Variants in GABBR2 observed in about 807,000 individuals in gnomAD.
The protein encoded by GABBR2 is G-protein coupled receptor 51.
Under a neutral mutation model 105.6 loss-of-function variants are expected in GABBR2, and 23 were observed. That is an observed-to-expected ratio of 0.22 (90% confidence interval 0.16 to 0.31). GABBR2 has a LOEUF of 0.31. GABBR2 is among the 10% of genes least tolerant of loss of function. The probability of loss-of-function intolerance (pLI) is 1.00; values close to 1 mark genes in which losing one functional copy is unlikely to be tolerated. For synonymous variants in GABBR2, 478 were observed against 499.7 expected, an observed-to-expected ratio of 0.96 and a Z score of 0.58; for missense variants, 734 against 1,245.5, an observed-to-expected ratio of 0.59 and a Z score of 6.18.
intron 8 of GABBR2, among the ~76,000 whole-genome samples, chr9:98,397,291 A>T (rs376193800): frequency 2.0e-5 from 3 of 152,202 alleles, no homozygotes; most frequent in African/African-American, 7.2e-5. Context: ...GACATCCTGG[A>T]TGCTGGAGAG....
At chr9:98,677,678 T>C (rs867260) in intron 1 of GABBR2, among the ~76,000 whole-genome samples, 5,493 of 152,236 alleles carry the variant, frequency 0.036, 179 homozygotes, top group East Asian at 0.14. Context: ...CCCTTCTCTG[T>C]CTCACACTTG....
At chr9:98,381,159 C>T (rs908906719) in intron 11 of GABBR2, among the ~76,000 whole-genome samples, 24 of 152,344 alleles carry the variant, frequency 1.6e-4, no homozygotes, top group South Asian at 4.1e-4. Context: ...GAGTTCCAGG[C>T]GGCTTGTCTG....
chr9:98,636,008 T>C (rs957885051), intron 1 of GABBR2, among the ~76,000 whole-genome samples: 1 of 152,170 alleles, frequency 6.6e-6, no homozygotes, highest in African/African-American at 2.4e-5. Context: ...CCTGGACTTC[T>C]GCATCACCAT....
chr9:98,326,868 T>C (rs1830933428), intron 13 of GABBR2, among the ~76,000 whole-genome samples: 1 of 152,260 alleles, frequency 6.6e-6, no homozygotes, highest in East Asian at 1.9e-4. Flanking sequence ...AGAAAAGTAT[T>C]ATTTCCTCTT....
intron 17 of GABBR2, among the ~76,000 whole-genome samples, chr9:98,297,448 T>C (rs2131341390): frequency 6.6e-6 from 1 of 151,064 alleles, no homozygotes; most frequent in South Asian, 2.1e-4. Flanking sequence ...CCGTCTCTAC[T>C]AAAAGTACAC....
At chr9:98,614,592 T>C (rs1240539952) in intron 1 of GABBR2, among the ~76,000 whole-genome samples, 1 of 152,144 alleles carries the variant, frequency 6.6e-6, no homozygotes, top group African/African-American at 2.4e-5. Flanking sequence ...AAATGGGTTA[T>C]AGAATGTTAT....
At chr9:98,576,904 TTGGA>T (rs71369567) in intron 2 of GABBR2, among the ~76,000 whole-genome samples, 23,476 of 99,360 alleles carry the variant, frequency 0.24, 3,185 homozygotes, top group African/African-American at 0.43. Flanking sequence ...AAAATATTTG[TTGGA>T]TGGATGGATG....
At chr9:98,656,437 GA>G (rs5899348) in intron 1 of GABBR2, among the ~76,000 whole-genome samples, 106,170 of 150,594 alleles carry the variant, frequency 0.71, 38,170 homozygotes, top group Middle Eastern at 0.84. Flanking sequence ...TTATAAAAAG[GA>G]AAAAAAAAAC....
rs1830248875 is a variant in GABBR2 at position 98,289,241 on chromosome 9, CAG to C, written c.*1341_*1342del. ...CTGGACAAGATCAAGTTTCAATCCTCAGAGTGACCTTGTGAGGTAGGCAGGAC... is the reference window on the plus strand; with the variant it reads ...CTGGACAAGATCAAGTTTCAATCCTCAGTGACCTTGTGAGGTAGGCAGGAC... On this transcript the variant is annotated 3_prime_UTR_variant, in exon 19 of 19. Transcript: ENST00000259455. 1 of 152,420 alleles carries C rather than the reference CAG, an allele frequency of 6.6e-6. No individual in the cohort carries two copies. Among genetic ancestry groups the C allele is most frequent in the African/African-American group, 2.4e-5 (1 of 41,436 alleles). The allele number at this position is 152,420 out of a possible 1,614,324, so 9.4% of individuals were successfully genotyped here.
intron 1 of GABBR2, among the ~76,000 whole-genome samples, chr9:98,692,861 T>C (rs2131879804): frequency 6.6e-6 from 1 of 152,314 alleles, no homozygotes; most frequent in South Asian, 2.1e-4. Flanking sequence ...CCTCATTCAG[T>C]AACACCCTGG....
intron 2 of GABBR2, among the ~76,000 whole-genome samples, chr9:98,566,658 G>C (rs1468542495): frequency 6.6e-6 from 1 of 152,050 alleles, no homozygotes; most frequent in Non-Finnish European, 1.5e-5. Flanking sequence ...CTGGGTGACA[G>C]ACTGAGACTC....
chr9:98,376,718 T>C (rs1167668726), intron 11 of GABBR2, among the ~76,000 whole-genome samples: 1 of 151,468 alleles, frequency 6.6e-6, no homozygotes. Context: ...TTGCTCAGGG[T>C]CTTCTGGGTA....
At chr9:98,663,263 G>A in intron 1 of GABBR2, among the ~76,000 whole-genome samples, 1 of 151,810 alleles carries the variant, frequency 6.6e-6, no homozygotes, top group African/African-American at 2.4e-5. Context: ...GGTGGGGTGG[G>A]GTGGGGTGGA....
In GABBR2 at chr9:98,634,241, G is replaced by A. The variant is rs578220863; in HGVS notation, c.322-56169C>T. ...ACACGCAGGGAGGCCTAGCCAAAAA[G>A]AATGTGGAACTTCTAAATGTGAGCC... On this transcript the variant is annotated intron_variant, in intron 1 of 18. Transcript: ENST00000259455. 2.6e-5 allele frequency among the ~76,000 whole-genome samples: 4 copies of A among 152,314 alleles called. No homozygotes were observed. The East Asian group carries it at 5.8e-4, about 22-fold the overall frequency.
chr9:98,443,813 G>C (rs1368041063), intron 7 of GABBR2, among the ~76,000 whole-genome samples: 1 of 152,172 alleles, frequency 6.6e-6, no homozygotes, highest in Admixed American at 6.5e-5. Flanking sequence ...GAGGGGAACC[G>C]TTACATCCTT....
intron 3 of GABBR2, among the ~76,000 whole-genome samples, chr9:98,508,549 T>C (rs13300052): frequency 0.34 from 52,397 of 151,952 alleles, 9,305 homozygotes; most frequent in Middle Eastern, 0.5. Context: ...CCTGGAAAAT[T>C]GGGTCACTCC....
chr9:98,300,796 C>T (rs979345838), intron 16 of GABBR2, among the ~76,000 whole-genome samples: 1 of 152,168 alleles, frequency 6.6e-6, no homozygotes, highest in Admixed American at 6.5e-5. Context: ...GAAAGTCTTG[C>T]CCCATACCCT....
At chr9:98,636,624 G>T (rs1373704707) in intron 1 of GABBR2, among the ~76,000 whole-genome samples, 1 of 150,368 alleles carries the variant, frequency 6.7e-6, no homozygotes, top group African/African-American at 2.4e-5. Context: ...CTCCCAAGTA[G>T]CTGGGACTAC....
At chr9:98,509,558 T>G (rs1480594554) in intron 3 of GABBR2, among the ~76,000 whole-genome samples, 1 of 152,082 alleles carries the variant, frequency 6.6e-6, no homozygotes, top group East Asian at 1.9e-4. Context: ...GAATAACCAA[T>G]GCAGAGAAGT....
Sources: allele counts gnomAD v4.1 joint callset (sites outside exome capture counted in the v4.1 genomes callset), GRCh38; gene constraint gnomAD v4.1.1; transcripts MANE v1.5; gene names NCBI Gene and HGNC (gene_info 2026-07-23, HGNC 2026-07-21).